The following HPSE2 variants were observed in gnomAD, a reference collection of about 807,000 sequenced individuals.
HPSE2 encodes inactive heparanase-2.
In HPSE2, 38 loss-of-function variants were observed where a neutral mutation model predicts 60.5. The observed-to-expected ratio is 0.63, with a 90% CI of 0.48 to 0.82. The LOEUF (loss-of-function observed/expected upper bound fraction) is 0.82, where lower values mean the gene tolerates loss of function less well. Among genes scored for constraint, HPSE2 ranks in the 40% least tolerant of loss-of-function variants. The pLI is 0.00. For synonymous variants in HPSE2, 295 were observed against 293.2 expected (o/e 1.01, Z -0.06); for missense variants, 713 against 740.4 (o/e 0.96, Z 0.43).
chr10:98,758,989 G>T (rs1346580795), intron 3 of HPSE2, among the ~76,000 whole-genome samples: 1 of 152,170 alleles, frequency 6.6e-6, no homozygotes, highest in Non-Finnish European at 1.5e-5. Context: ...TACACAGCAT[G>T]AAATAGTATG....
At chr10:98,743,060 C>A (rs953806738) in intron 4 of HPSE2, among the ~76,000 whole-genome samples, 1 of 150,358 alleles carries the variant, frequency 6.7e-6, no homozygotes, top group Non-Finnish European at 1.5e-5. Context: ...GCAACCTTCG[C>A]CTCCTGGGTT....
At chr10:98,903,132 A>T (rs1456686830) in intron 3 of HPSE2, among the ~76,000 whole-genome samples, 1 of 152,152 alleles carries the variant, frequency 6.6e-6, no homozygotes, top group Non-Finnish European at 1.5e-5. Flanking sequence ...CATGAATGAA[A>T]CTTAACTTCA....
chr10:98,648,254 T>C (rs1946826421), intron 6 of HPSE2, among the ~76,000 whole-genome samples: 1 of 152,078 alleles, frequency 6.6e-6, no homozygotes, highest in South Asian at 2.1e-4. Flanking sequence ...GCTCAAATCA[T>C]CTTGATCCTA....
intron 3 of HPSE2, among the ~76,000 whole-genome samples, chr10:99,102,760 A>C (rs192440329): frequency 2.0e-5 from 3 of 152,350 alleles, no homozygotes; most frequent in Admixed American, 1.3e-4. Flanking sequence ...CGAATCCAGC[A>C]GCACATCAAA....
chr10:98,960,945 T>A (rs1191505777), intron 3 of HPSE2, among the ~76,000 whole-genome samples: 1 of 92,804 alleles, frequency 1.1e-5, no homozygotes, highest in African/African-American at 4.5e-5. Flanking sequence ...CCTGTGTCCA[T>A]GTGATCTCAT....
At chr10:98,880,186 G>A (rs993883018) in intron 3 of HPSE2, among the ~76,000 whole-genome samples, 2 of 151,908 alleles carry the variant, frequency 1.3e-5, no homozygotes, top group African/African-American at 4.8e-5. Context: ...ACAGTTTTCA[G>A]TTAGAATATT....
chr10:98,498,143 T>A (rs1941912776), intron 9 of HPSE2, among the ~76,000 whole-genome samples: 1 of 152,172 alleles, frequency 6.6e-6, no homozygotes, highest in Non-Finnish European at 1.5e-5. Context: ...CAAAGCAGCA[T>A]GCGGAGGCTC....
chr10:98,918,571 T>A (rs915293555), intron 3 of HPSE2, among the ~76,000 whole-genome samples: 2 of 148,708 alleles, frequency 1.3e-5, no homozygotes, highest in Non-Finnish European at 3.0e-5. Flanking sequence ...CAGTAAACTA[T>A]CGCAAGGACA....
At chr10:99,032,724 C>T (rs1239031813) in intron 3 of HPSE2, among the ~76,000 whole-genome samples, 1 of 152,124 alleles carries the variant, frequency 6.6e-6, no homozygotes, top group Non-Finnish European at 1.5e-5. Flanking sequence ...GGCTGCATTC[C>T]ATTCTGGAAG....
intron 3 of HPSE2, among the ~76,000 whole-genome samples, chr10:98,891,152 TTTTCCCCAAAATGTCCTTTACA>T (rs558082574): frequency 8.3e-4 from 126 of 152,190 alleles, no homozygotes; most frequent in African/African-American, 2.9e-3. Flanking sequence ...TTTCTCAGAA[TTTTCCCCAAAATGTCCTTTACA>T]TTTCCCCAAA....
At chr10:98,847,105 T>C (rs147515302) in intron 3 of HPSE2, among the ~76,000 whole-genome samples, 10 of 152,258 alleles carry the variant, frequency 6.6e-5, no homozygotes, top group Non-Finnish European at 1.3e-4. Flanking sequence ...CCATTTACCT[T>C]CAGATTCAAT....
chr10:99,148,787 C>CTCAATCAATCAA (rs10604979), intron 2 of HPSE2, among the ~76,000 whole-genome samples: 2 of 149,648 alleles, frequency 1.3e-5, no homozygotes, highest in African/African-American at 2.5e-5. Context: ...CGAAACTCCA[C>CTCAATCAATCAA]TCAATCAATC....
chr10:99,182,814 GT>G (rs1847827306), intron 2 of HPSE2, among the ~76,000 whole-genome samples: 1 of 151,970 alleles, frequency 6.6e-6, no homozygotes, highest in Non-Finnish European at 1.5e-5. Context: ...GGCCAACATG[GT>G]GAAACCCTGT....
At chr10:99,018,896 T>C (rs916906863) in intron 3 of HPSE2, among the ~76,000 whole-genome samples, 5 of 152,220 alleles carry the variant, frequency 3.3e-5, no homozygotes, top group African/African-American at 1.2e-4. Context: ...ACAGTTTTCA[T>C]GTCAGCATTT....
At chr10:98,830,917 G>A (rs1215024710) in intron 3 of HPSE2, among the ~76,000 whole-genome samples, 1 of 152,044 alleles carries the variant, frequency 6.6e-6, no homozygotes, top group Non-Finnish European at 1.5e-5. Context: ...TTACATGAAG[G>A]CATGCTTGAA....
upstream of HPSE2, among the ~76,000 whole-genome samples, chr10:99,240,788 C>T (rs557987407): frequency 5.9e-5 from 9 of 152,232 alleles, no homozygotes; most frequent in South Asian, 2.1e-4. Flanking sequence ...TTCTATATGC[C>T]GCCTGCCCTT....
At chr10:98,506,139 C>T (rs1942192147) in intron 9 of HPSE2, among the ~76,000 whole-genome samples, 1 of 151,966 alleles carries the variant, frequency 6.6e-6, no homozygotes, top group Non-Finnish European at 1.5e-5. Context: ...ATGAAAAAAA[C>T]TGAAAAAGAA....
chr10:98,906,316 T>C (rs1018031515), intron 3 of HPSE2, among the ~76,000 whole-genome samples: 1 of 152,144 alleles, frequency 6.6e-6, no homozygotes, highest in Non-Finnish European at 1.5e-5. Flanking sequence ...CAAGAAGATG[T>C]TGAACTACTG....
intron 2 of HPSE2, among the ~76,000 whole-genome samples, chr10:99,223,412 A>T (rs1251518553): frequency 6.6e-6 from 1 of 152,114 alleles, no homozygotes; most frequent in Non-Finnish European, 1.5e-5. Context: ...TAATGTCCCA[A>T]ATCTGGGCAG....
Sources: allele counts gnomAD v4.1 joint callset (sites outside exome capture counted in the v4.1 genomes callset), GRCh38; gene constraint gnomAD v4.1.1; transcripts MANE v1.5; gene names NCBI Gene and HGNC (gene_info 2026-07-23, HGNC 2026-07-21).